The following DLGAP1 variants were observed in gnomAD, a reference collection of about 807,000 sequenced individuals.
DLGAP1 encodes DLG associated protein 1, also known as disks large-associated protein 1.
DLGAP1 carries 11 observed loss-of-function variants against 90.8 expected under a neutral mutation model. The observed-to-expected ratio is 0.12, with a 90% confidence interval of 0.08 to 0.20. The LOEUF (loss-of-function observed/expected upper bound fraction) is 0.20, where lower values mean the gene tolerates loss of function less well. Among genes scored for constraint, DLGAP1 ranks in the 10% least tolerant of loss-of-function variants. The pLI, the probability that DLGAP1 is intolerant of heterozygous loss-of-function variation, is 1.00. For missense variants in DLGAP1, 1,050 were observed against 1,333.8 expected, an observed-to-expected ratio of 0.79 and a Z score of 3.31; for synonymous variants, 558 against 540.7, an observed-to-expected ratio of 1.03 and a Z score of -0.44.
intron 1 of DLGAP1, among the ~76,000 whole-genome samples, chr18:4,272,870 G>A (rs1284477459): frequency 2.0e-5 from 3 of 152,146 alleles, no homozygotes; most frequent in Non-Finnish European, 4.4e-5. Context: ...TCCAACGACA[G>A]GTATCCTTAC....
chr18:4,444,416 T>C (rs922873015), intron 1 of DLGAP1, among the ~76,000 whole-genome samples: 1 of 152,168 alleles, frequency 6.6e-6, no homozygotes, highest in Non-Finnish European at 1.5e-5. Context: ...TCACAGCATA[T>C]GGTGCCATAT....
At chr18:3,892,351 C>T (rs1323624152) in intron 3 of DLGAP1, among the ~76,000 whole-genome samples, 3 of 152,132 alleles carry the variant, frequency 2.0e-5, no homozygotes, top group Admixed American at 1.3e-4. Context: ...CCTGTCTCCC[C>T]ACCCCATACC....
chr18:3,773,417 T>C (rs1473838331), intron 5 of DLGAP1, among the ~76,000 whole-genome samples: 2 of 152,318 alleles, frequency 1.3e-5, no homozygotes, highest in South Asian at 2.1e-4. Flanking sequence ...AGTAGATAAA[T>C]ATTTATGGAA....
chr18:4,453,087 T>A (rs1164750225), intron 1 of DLGAP1, among the ~76,000 whole-genome samples: 5 of 152,160 alleles, frequency 3.3e-5, no homozygotes, highest in Non-Finnish European at 2.9e-5. Context: ...ATTAGTTTTT[T>A]AAAAATTCAC....
intron 3 of DLGAP1, among the ~76,000 whole-genome samples, chr18:3,992,454 G>C (rs1374127273): frequency 1.3e-5 from 2 of 152,160 alleles, no homozygotes; most frequent in Non-Finnish European, 2.9e-5. Context: ...GAGGCGGGTG[G>C]AATGCTTGAG....
intron 1 of DLGAP1, among the ~76,000 whole-genome samples, chr18:4,195,710 C>T (rs2077484683): frequency 6.6e-6 from 1 of 152,122 alleles, no homozygotes; most frequent in Non-Finnish European, 1.5e-5. Flanking sequence ...CACCACCACA[C>T]CTGGCTAATT....
At chr18:4,333,548 G>A (rs1416622776) in intron 1 of DLGAP1, among the ~76,000 whole-genome samples, 2 of 150,722 alleles carry the variant, frequency 1.3e-5, no homozygotes, top group African/African-American at 4.9e-5. Context: ...AAAAAAAAAA[G>A]AAGCATTTTC....
chr18:4,267,988 C>T (rs2079168702), intron 1 of DLGAP1, among the ~76,000 whole-genome samples: 1 of 152,196 alleles, frequency 6.6e-6, no homozygotes, highest in East Asian at 1.9e-4. Flanking sequence ...CATATCATTA[C>T]TGAAATTCCG....
intron 2 of DLGAP1, among the ~76,000 whole-genome samples, chr18:4,079,784 G>A (rs997324752): frequency 6.6e-6 from 1 of 151,838 alleles, no homozygotes; most frequent in African/African-American, 2.4e-5. Context: ...ACCACTTCAG[G>A]TTTGCTTTTC....
chr18:3,572,538 C>T (rs559090085), intron 8 of DLGAP1, among the ~76,000 whole-genome samples: 3 of 152,114 alleles, frequency 2.0e-5, no homozygotes, highest in African/African-American at 4.8e-5. Context: ...CAACCTCCAC[C>T]CCCCAGGTTC....
intron 2 of DLGAP1, among the ~76,000 whole-genome samples, chr18:4,115,014 T>C (rs1488468428): frequency 4.6e-5 from 7 of 152,188 alleles, no homozygotes. Flanking sequence ...GTATGTCTCA[T>C]GTTTGTTTCA....
In DLGAP1 at chr18:3,600,839, T is replaced by TATATATAG. The variant is rs1342917949; in HGVS notation, c.1592-18599_1592-18592dup. 4.5e-3 allele frequency among the ~76,000 whole-genome samples: 437 copies of TATATATAG among 96,138 alleles called. 72 individuals carry two copies. The East Asian group carries it at 0.051, about 11-fold the overall frequency. 63.1% of individuals were successfully genotyped at this position (96,138 alleles called of 152,430 possible). On this transcript the variant is annotated intron_variant, in intron 7 of 12. Transcript: ENST00000315677. ...ATATAGATATATAGATATATATAGA[T>TATATATAG]ATATATAGATATATAGATATATATA...
chr18:3,567,543 A>G lies in DLGAP1; in HGVS notation c.2004T>C (p.Asn668=). 6.2e-7 allele frequency: 1 copy of G among 1,613,952 alleles called. No homozygotes were observed. Among genetic ancestry groups the G allele is most frequent in the South Asian group, 1.1e-5 (1 of 91,072 alleles). ...DAEEPDKTGE[N]KAPSKFQSVG... ...CGGACTGGAACTTACTGGGTGCTTT[A>G]TTCTCCCCTGTTTTGTCAGGTTCTT... Residue 668 remains asparagine (N), a synonymous_variant, in exon 9 of 13, where the codon AAT becomes AAC. Coordinates refer to ENST00000315677, the MANE Select transcript of DLGAP1 (RefSeq NM_004746.4).
intron 3 of DLGAP1, among the ~76,000 whole-genome samples, chr18:3,945,566 G>A (rs1041098733): frequency 3.3e-5 from 5 of 152,054 alleles, no homozygotes; most frequent in Non-Finnish European, 5.9e-5. Context: ...AAAAAGAAAG[G>A]CCAAGAATTC....
rs186284600 is a variant in DLGAP1, at chr18:4,336,780, C to T, written c.-267+118226G>A. 2.6e-3 allele frequency among the ~76,000 whole-genome samples: 388 copies of T among 152,076 alleles called. 3 individuals carry two copies. Among genetic ancestry groups the T allele is most frequent in the Non-Finnish European group, 2.9e-3 (198 of 67,958 alleles). The stretch of plus-strand genomic sequence containing the variant: ...AAACTTTTCTAGTTTGTTGTAGGGG[C>T]TTATAGAATTGAGTCTCTCTCCTAT... On this transcript the variant is annotated intron_variant, in intron 1 of 12. Coordinates refer to ENST00000315677, the MANE Select transcript of DLGAP1 (RefSeq NM_004746.4).
At chr18:4,025,239 C>T (rs1234592015) in intron 2 of DLGAP1, among the ~76,000 whole-genome samples, 1 of 152,068 alleles carries the variant, frequency 6.6e-6, no homozygotes, top group Non-Finnish European at 1.5e-5. Flanking sequence ...TTGAAACATA[C>T]AAGAACTCAA....
chr18:3,684,536 T>C (rs1265781320), intron 7 of DLGAP1, among the ~76,000 whole-genome samples: 1 of 152,028 alleles, frequency 6.6e-6, no homozygotes, highest in Non-Finnish European at 1.5e-5. Context: ...CTTTGAAAAT[T>C]AGTGATCTTC....
In DLGAP1 at chr18:3,639,834, A is replaced by C. The variant is rs559140914; in HGVS notation, c.1592-57586T>G. Among the ~76,000 whole-genome samples the C allele has an allele frequency of 1.7e-3, 228 of 134,032 alleles. 11 individuals are homozygous for C. The highest frequency in any genetic ancestry group is 6.6e-3 in the African/African-American group (222 of 33,682). 87.9% of individuals were successfully genotyped at this position (134,032 alleles called of 152,430 possible). On this transcript the variant is annotated intron_variant, in intron 7 of 12. Coordinates refer to ENST00000315677, the MANE Select transcript of DLGAP1 (RefSeq NM_004746.4). ...CAGTGGCGCGATCTCGGCTCACTGC[A>C]AGCTCCGCCTCCTGGGTTCACGCCA... is the stretch of plus-strand genomic sequence containing the variant.
chr18:4,165,118 A>G (rs75212263), intron 1 of DLGAP1, among the ~76,000 whole-genome samples: 4,389 of 152,302 alleles, frequency 0.029, 81 homozygotes, highest in Non-Finnish European at 0.047. Context: ...TTGGTGAAAT[A>G]CACATATTCA....
Sources: gnomAD v4.1 joint callset for allele counts (sites outside exome capture counted in the v4.1 genomes callset) on GRCh38, gnomAD v4.1.1 for gene constraint, MANE v1.5 for transcripts, NCBI Gene and HGNC (gene_info 2026-07-23, HGNC 2026-07-21) for gene names.